RASAL2: variants seen among roughly 807,000 people sequenced by gnomAD.
RASAL2 encodes the protein RAS protein activator like 2.
Under a neutral mutation model 128.9 loss-of-function variants are expected in RASAL2, and 58 were observed. That is an observed-to-expected ratio of 0.45 (90% CI 0.36 to 0.56). The LOEUF is 0.56. RASAL2 is among the 20% of genes least tolerant of loss of function. The pLI is 0.00. For synonymous variants in RASAL2, 561 were observed against 580.8 expected, an observed-to-expected ratio of 0.97 and a Z score of 0.49; for missense variants, 1,360 against 1,601.6, an observed-to-expected ratio of 0.85 and a Z score of 2.57.
chr1:178,127,474 A>G (rs1659942833), intron 1 of RASAL2, among the ~76,000 whole-genome samples: 1 of 152,174 alleles, frequency 6.6e-6, no homozygotes, highest in Non-Finnish European at 1.5e-5. Context: ...AGTAATCATA[A>G]TACATCATTC....
intron 3 of RASAL2, among the ~76,000 whole-genome samples, chr1:178,387,247 C>G (rs1303891576): frequency 6.6e-6 from 1 of 152,086 alleles, no homozygotes; most frequent in Non-Finnish European, 1.5e-5. Flanking sequence ...CTTCTTTCCC[C>G]TTTTTAGTGG....
At chr1:178,342,732 A>G (rs1297748122) in intron 3 of RASAL2, among the ~76,000 whole-genome samples, 1 of 152,218 alleles carries the variant, frequency 6.6e-6, no homozygotes, top group African/African-American at 2.4e-5. Context: ...CTGAAAGCAA[A>G]TCGTATTCAC....
chr1:178,346,714 C>T (rs1670172254), intron 3 of RASAL2, among the ~76,000 whole-genome samples: 1 of 152,130 alleles, frequency 6.6e-6, no homozygotes, highest in Non-Finnish European at 1.5e-5. Flanking sequence ...ATCAATTAAA[C>T]ACCTTACCAT....
intron 4 of RASAL2, among the ~76,000 whole-genome samples, chr1:178,392,087 A>G (rs1021945994): frequency 5.3e-5 from 8 of 152,214 alleles, no homozygotes; most frequent in African/African-American, 1.4e-4. Context: ...TGATTCATCA[A>G]TTGATACCTT....
chr1:178,183,480 C>G (rs1662185250), intron 1 of RASAL2, among the ~76,000 whole-genome samples: 1 of 152,158 alleles, frequency 6.6e-6, no homozygotes, highest in African/African-American at 2.4e-5. Context: ...CTGTACTTCA[C>G]CTGTTCAGTA....
chr1:178,462,242 C>T (rs965265935), intron 14 of RASAL2, among the ~76,000 whole-genome samples: 12 of 152,036 alleles, frequency 7.9e-5, no homozygotes, highest in African/African-American at 2.9e-4. Context: ...GAAAAGAAGC[C>T]TTTGGTGCCC....
intron 1 of RASAL2, among the ~76,000 whole-genome samples, chr1:178,267,617 A>G (rs1666027085): frequency 7.5e-6 from 1 of 133,828 alleles, no homozygotes; most frequent in Non-Finnish European, 1.6e-5. Context: ...TATCAGATCT[A>G]GTGTCTTTTT....
intron 1 of RASAL2, among the ~76,000 whole-genome samples, chr1:178,215,892 T>C (rs1436028962): frequency 6.6e-6 from 1 of 152,136 alleles, no homozygotes; most frequent in Non-Finnish European, 1.5e-5. Flanking sequence ...ATATTACTTA[T>C]ATGAGAAAAA....
intron 3 of RASAL2, among the ~76,000 whole-genome samples, chr1:178,355,926 T>C (rs1223670529): frequency 6.6e-6 from 1 of 152,072 alleles, no homozygotes; most frequent in Non-Finnish European, 1.5e-5. Context: ...ATCCCAGCAC[T>C]TTGGGAGGCC....
At chr1:178,470,588 C>T in intron 17 of RASAL2, 2 of 895,096 alleles carry the variant, frequency 2.2e-6, no homozygotes, top group Non-Finnish European at 3.2e-6. Flanking sequence ...CAGGATCTCT[C>T]TATGTGACTC....
rs6678808 is a variant in RASAL2 at position 178,425,849 on chromosome 1, A to G, written c.674+5229A>G. On this transcript the variant is annotated intron_variant, in intron 5 of 17. Coordinates refer to ENST00000367649, the MANE Select transcript of RASAL2 (RefSeq NM_170692.4). ...ACCTTTTTCTAAGGGAACCTGGGAAACTTTATACCTGGATATATTGGTGGG... is the reference window on the plus strand; with the variant it reads ...ACCTTTTTCTAAGGGAACCTGGGAAGCTTTATACCTGGATATATTGGTGGG... Among the ~76,000 whole-genome samples, 5 of 152,154 alleles carry G rather than the reference A, an allele frequency of 3.3e-5. No homozygotes were observed. The East Asian group carries it at 9.6e-4, about 29-fold the overall frequency.
intron 1 of RASAL2, among the ~76,000 whole-genome samples, chr1:178,142,423 T>C (rs1245921977): frequency 6.6e-6 from 1 of 152,124 alleles, no homozygotes; most frequent in Non-Finnish European, 1.5e-5. Flanking sequence ...GATATTTGGC[T>C]AAGGAGGTGA....
intron 1 of RASAL2, among the ~76,000 whole-genome samples, chr1:178,274,151 T>C (rs1170816861): frequency 1.3e-5 from 2 of 152,206 alleles, no homozygotes; most frequent in African/African-American, 4.8e-5. Flanking sequence ...TTATTTCTAA[T>C]GTAGCCTGCC....
At chr1:178,456,396 G>T in intron 12 of RASAL2, 13 of 358,984 alleles carry the variant, frequency 3.6e-5, no homozygotes, top group East Asian at 5.4e-5. Flanking sequence ...GATTTAGTTT[G>T]CTTCGCATGC....
Position 178,434,204 on chromosome 1 carries a change from G to C in RASAL2, c.675-5218G>C, listed in dbSNP as rs1676108574. Among the ~76,000 whole-genome samples the C allele has an allele frequency of 2.0e-5, 3 of 151,980 alleles. No individual in the cohort carries two copies. In the South Asian group the frequency reaches 6.2e-4, roughly 32 times the overall value. ...GATTATATTACCTTTGCAATTTAAG[G>C]ACAAAAAGATATGTTATAACATGGT... On this transcript the variant is annotated intron_variant, in intron 5 of 17. Coordinates refer to ENST00000367649, the MANE Select transcript of RASAL2 (RefSeq NM_170692.4).
At chr1:178,436,858 G>A (rs1166673510) in intron 5 of RASAL2, among the ~76,000 whole-genome samples, 1 of 152,070 alleles carries the variant, frequency 6.6e-6, no homozygotes, top group Non-Finnish European at 1.5e-5. Flanking sequence ...GATTACAGGT[G>A]TGAGCCACCT....
chr1:178,366,070 A>G (rs574617762), intron 3 of RASAL2, among the ~76,000 whole-genome samples: 2 of 152,286 alleles, frequency 1.3e-5, no homozygotes, highest in East Asian at 1.9e-4. Context: ...ACCAACATCA[A>G]TGTTAAATTT....
At chr1:178,163,970 T>A (rs1400063031) in intron 1 of RASAL2, among the ~76,000 whole-genome samples, 1 of 152,194 alleles carries the variant, frequency 6.6e-6, no homozygotes, top group Non-Finnish European at 1.5e-5. Flanking sequence ...ATACAAGTCT[T>A]TCACTTATGT....
intron 1 of RASAL2, among the ~76,000 whole-genome samples, chr1:178,181,098 A>G (rs1662092578): frequency 6.6e-6 from 1 of 152,080 alleles, no homozygotes; most frequent in South Asian, 2.1e-4. Flanking sequence ...TAATCTGGCT[A>G]AAGATTTTTC....
Sources: gnomAD v4.1 joint callset for allele counts (sites outside exome capture counted in the v4.1 genomes callset) on GRCh38, gnomAD v4.1.1 for gene constraint, MANE v1.5 for transcripts, NCBI Gene and HGNC (gene_info 2026-07-23, HGNC 2026-07-21) for gene names.